SUGCT: variants seen among roughly 807,000 people sequenced by gnomAD.
The protein encoded by SUGCT is succinyl-CoA:glutarate CoA-transferase.
SUGCT carries 41 observed loss-of-function variants against 55.0 expected under a neutral mutation model. That is an observed-to-expected ratio of 0.74 (90% CI 0.58 to 0.97). The LOEUF (loss-of-function observed/expected upper bound fraction) is 0.97, where lower values mean the gene tolerates loss of function less well. SUGCT is among the 50% of genes least tolerant of loss of function. The pLI is 0.00. For synonymous variants in SUGCT, 187 were observed against 200.4 expected (o/e 0.93, Z 0.56); for missense variants, 568 against 547.8 (o/e 1.04, Z -0.37).
intron 6 of SUGCT, among the ~76,000 whole-genome samples, chr7:40,217,813 C>T (rs545160413): frequency 1.7e-4 from 26 of 152,254 alleles, no homozygotes; most frequent in African/African-American, 5.1e-4. Context: ...CTACTTGCCA[C>T]GGGGTTATCC....
At chr7:40,730,254 T>C (rs1430586692) in intron 12 of SUGCT, among the ~76,000 whole-genome samples, 1 of 152,150 alleles carries the variant, frequency 6.6e-6, no homozygotes, top group African/African-American at 2.4e-5. Context: ...ATTACAGGCA[T>C]GCACCACAGG....
Position 40,615,012 on chromosome 7 carries a change from C to T in SUGCT, c.1089+118626C>T, listed in dbSNP as rs75327628. Among the ~76,000 whole-genome samples, 138 of 150,808 alleles carry T rather than the reference C, an allele frequency of 9.2e-4. 2 individuals are homozygous for T. The East Asian group carries it at 0.014, about 15-fold the overall frequency. On this transcript the variant is annotated intron_variant, in intron 12 of 13. Transcript: ENST00000335693. ...CGGAGGTTGCAGTAAGCCAAGATCA[C>T]GCCATTGCCCTCCAGCCTGGGCAAC... is the stretch of plus-strand genomic sequence containing the variant.
At chr7:40,706,371 G>A (rs756458636) in intron 12 of SUGCT, among the ~76,000 whole-genome samples, 3 of 152,250 alleles carry the variant, frequency 2.0e-5, no homozygotes, top group African/African-American at 2.4e-5. Flanking sequence ...GCCGGGAGTG[G>A]TGGTGCACAC....
intron 12 of SUGCT, among the ~76,000 whole-genome samples, chr7:40,705,537 G>A (rs1435336165): frequency 1.3e-5 from 2 of 152,150 alleles, no homozygotes; most frequent in South Asian, 2.1e-4. Context: ...TTTTGACACT[G>A]ACTAGAAATT....
At chr7:40,238,306 A>G (rs1335396270) in intron 7 of SUGCT, among the ~76,000 whole-genome samples, 1 of 152,162 alleles carries the variant, frequency 6.6e-6, no homozygotes, top group African/African-American at 2.4e-5. Flanking sequence ...TGATTTTATA[A>G]TAATTCCTCT....
intron 13 of SUGCT, among the ~76,000 whole-genome samples, chr7:40,831,211 G>T (rs1354339975): frequency 1.3e-5 from 2 of 152,174 alleles, no homozygotes; most frequent in Non-Finnish European, 2.9e-5. Flanking sequence ...CCTATCAACA[G>T]TGTAGGCTCA....
intron 9 of SUGCT, among the ~76,000 whole-genome samples, chr7:40,359,531 T>G (rs527600945): frequency 5.9e-5 from 9 of 152,264 alleles, no homozygotes; most frequent in African/African-American, 2.2e-4. Context: ...ACAGTAAGAC[T>G]GGACCTGACG....
chr7:41,005,707 C>A, the SUGCT span, among the ~76,000 whole-genome samples: 1 of 152,158 alleles, frequency 6.6e-6, no homozygotes, highest in Non-Finnish European at 1.5e-5. Context: ...GCTATGTGGT[C>A]AGCCTTATAA....
chr7:40,411,539 C>T (rs939927793), intron 9 of SUGCT, among the ~76,000 whole-genome samples: 2 of 152,122 alleles, frequency 1.3e-5, no homozygotes, highest in African/African-American at 4.8e-5. Context: ...TAGTGGATGT[C>T]CTCATTGACA....
chr7:40,577,317 G>C (rs184165152), intron 12 of SUGCT, among the ~76,000 whole-genome samples: 1 of 152,118 alleles, frequency 6.6e-6, no homozygotes, highest in East Asian at 1.9e-4. Context: ...AGGAAGATTG[G>C]GTGGAAGCAT....
intron 9 of SUGCT, among the ~76,000 whole-genome samples, chr7:40,438,744 C>T (rs1788308546): frequency 6.6e-6 from 1 of 151,774 alleles, no homozygotes; most frequent in Non-Finnish European, 1.5e-5. Context: ...TTTGAGCTCT[C>T]CCTGTGATAA....
At chr7:40,971,180 C>T in the SUGCT span, among the ~76,000 whole-genome samples, 1 of 152,130 alleles carries the variant, frequency 6.6e-6, no homozygotes, top group Non-Finnish European at 1.5e-5. Flanking sequence ...AGGCATGTCA[C>T]ATGGCAAGAG....
rs1177537233 is a variant in SUGCT at position 40,639,975 on chromosome 7, T to A, written c.1090-109459T>A. On this transcript the variant is annotated intron_variant, in intron 12 of 13. Coordinates refer to ENST00000335693, the MANE Select transcript of SUGCT (RefSeq NM_001193313.2). The stretch of plus-strand genomic sequence containing the variant: ...TGCTTGATTGGTTAGAGAAGACTAA[T>A]GGAATTAGAAAGCTATGAAGATTCA... Among the ~76,000 whole-genome samples, 3 of 152,176 alleles carry A rather than the reference T, an allele frequency of 2.0e-5. 1 individual carries two copies. The South Asian group carries it at 6.2e-4, about 31-fold the overall frequency.
At chr7:40,371,702 CT>C (rs1205057300) in intron 9 of SUGCT, among the ~76,000 whole-genome samples, 1 of 139,424 alleles carries the variant, frequency 7.2e-6, no homozygotes, top group Non-Finnish European at 1.6e-5. Flanking sequence ...TCATTAAAGA[CT>C]TTTGGTATTG....
intron 12 of SUGCT, among the ~76,000 whole-genome samples, chr7:40,506,244 T>C (rs997686638): frequency 6.6e-6 from 1 of 152,170 alleles, no homozygotes; most frequent in Non-Finnish European, 1.5e-5. Context: ...TTTGCCATCT[T>C]TTTTGAAAAA....
At chr7:40,691,856 G>A (rs1341123801) in intron 12 of SUGCT, among the ~76,000 whole-genome samples, 1 of 152,158 alleles carries the variant, frequency 6.6e-6, no homozygotes. Flanking sequence ...ATAAAGAGAA[G>A]AAAATGTGGG....
rs1325356998 is a variant in SUGCT at position 40,419,896 on chromosome 7, C to T, written c.817-29391C>T. On this transcript the variant is annotated intron_variant, in intron 9 of 13. Transcript: ENST00000335693. The stretch of plus-strand genomic sequence containing the variant: ...GTGCTAAGCAGCTTGCATGTATTGT[C>T]TCCTATACATTTTGCAGAAGTACTG... Among the ~76,000 whole-genome samples the T allele has an allele frequency of 6.6e-5, 10 of 152,290 alleles. No homozygotes were observed. In the East Asian group the frequency reaches 1.9e-3, roughly 29 times the overall value.
chr7:40,302,564 C>A (rs1249229757), intron 8 of SUGCT, among the ~76,000 whole-genome samples: 2 of 152,078 alleles, frequency 1.3e-5, no homozygotes, highest in East Asian at 3.9e-4. Flanking sequence ...CTCAGCAGGA[C>A]CTCAGAGGTC....
At chr7:40,586,536 G>T (rs1236979605) in intron 12 of SUGCT, among the ~76,000 whole-genome samples, 1 of 152,124 alleles carries the variant, frequency 6.6e-6, no homozygotes, top group Non-Finnish European at 1.5e-5. Context: ...CAGAGAGAAG[G>T]GGTGAGGTGT....
Sources: gnomAD v4.1 joint callset for allele counts (sites outside exome capture counted in the v4.1 genomes callset) on GRCh38, gnomAD v4.1.1 for gene constraint, MANE v1.5 for transcripts, NCBI Gene and HGNC (gene_info 2026-07-23, HGNC 2026-07-21) for gene names.